Variants in CADM2 observed in about 807,000 individuals in gnomAD.
CADM2 encodes cell adhesion molecule 2.
Under a neutral mutation model 49.8 loss-of-function variants are expected in CADM2, and 12 were observed. The ratio of observed to expected loss-of-function variants is 0.24; its 90% CI spans 0.15 to 0.39. The LOEUF (loss-of-function observed/expected upper bound fraction) is 0.39, where lower values mean the gene tolerates loss of function less well. CADM2 is among the 10% of genes least tolerant of loss of function. CADM2 has a pLI of 1.00. For missense variants in CADM2, 378 were observed against 492.3 expected, an observed-to-expected ratio of 0.77 and a Z score of 2.20; for synonymous variants, 214 against 175.4, an observed-to-expected ratio of 1.22 and a Z score of -1.74.
At chr3:85,439,784 G>A (rs938193083) in intron 1 of CADM2, among the ~76,000 whole-genome samples, 3 of 152,074 alleles carry the variant, frequency 2.0e-5, no homozygotes, top group African/African-American at 7.2e-5. Flanking sequence ...AGGTGTGATG[G>A]TATTTGCATT....
intron 1 of CADM2, among the ~76,000 whole-genome samples, chr3:85,342,510 A>G (rs2029983467): frequency 6.6e-6 from 1 of 152,108 alleles, no homozygotes; most frequent in Non-Finnish European, 1.5e-5. Flanking sequence ...ACAGAATTAG[A>G]AAATGTTATG....
intron 1 of CADM2, among the ~76,000 whole-genome samples, chr3:85,091,441 G>A (rs536927866): frequency 2.6e-5 from 4 of 152,064 alleles, no homozygotes; most frequent in South Asian, 4.2e-4. Context: ...TAATTCATAG[G>A]TAAGATATCG....
In CADM2 at chr3:85,401,843, A is replaced by T. The variant is rs147160040; in HGVS notation, c.62-324679A>T. 4.7e-4 allele frequency among the ~76,000 whole-genome samples: 71 copies of T among 152,252 alleles called. No homozygotes were observed. The East Asian group carries it at 0.011, about 23-fold the overall frequency. On this transcript the variant is annotated intron_variant, in intron 1 of 9. Coordinates refer to ENST00000383699, the MANE Select transcript of CADM2 (RefSeq NM_001167675.2). ...TCAGGAGCACAGGTATGTTTACTCA[A>T]ATTTCACACCTGCCAAACACAGAAC...
chr3:85,343,604 G>C (rs559023479), intron 1 of CADM2, among the ~76,000 whole-genome samples: 3 of 152,282 alleles, frequency 2.0e-5, no homozygotes, highest in African/African-American at 7.2e-5. Flanking sequence ...TTTCTATTCT[G>C]CTTCAGGTTC....
intron 2 of CADM2, 143 bp downstream of exon 2, chr3:85,726,691 C>T: frequency 3.8e-6 from 2 of 532,740 alleles, no homozygotes; most frequent in Admixed American, 6.7e-5. Flanking sequence ...CCTACAAATA[C>T]AAATATCAAT....
intron 1 of CADM2, among the ~76,000 whole-genome samples, chr3:85,304,109 T>C (rs1302369629): frequency 1.3e-5 from 2 of 151,846 alleles, no homozygotes; most frequent in Admixed American, 1.3e-4. Flanking sequence ...TCTTGACTAT[T>C]TCTGGTTTAG....
chr3:86,072,878 A>G lies in CADM2; in HGVS notation c.*6095A>G, dbSNP rs541470547. On this transcript the variant is annotated 3_prime_UTR_variant, in exon 10 of 10. Coordinates refer to ENST00000383699, the MANE Select transcript of CADM2 (RefSeq NM_001167675.2). ...ATAAATAGAAAGAAAAATAATCTAGAAATTTTTCAAAGCTAGTACTCTTTC... is the reference window on the plus strand; with the variant it reads ...ATAAATAGAAAGAAAAATAATCTAGGAATTTTTCAAAGCTAGTACTCTTTC... 18 of 152,208 alleles carry G rather than the reference A, an allele frequency of 1.2e-4. No homozygotes were observed. In the South Asian group the frequency reaches 1.2e-3, roughly 11 times the overall value. The allele number at this position is 152,208 out of a possible 1,614,324, so 9.4% of individuals were successfully genotyped here.
chr3:85,173,568 T>C (rs1250133678), intron 1 of CADM2, among the ~76,000 whole-genome samples: 2 of 152,190 alleles, frequency 1.3e-5, no homozygotes, highest in African/African-American at 4.8e-5. Context: ...GATAAATTTC[T>C]GGACAATCCT....
chr3:85,862,035 G>A (rs190566317), intron 3 of CADM2, among the ~76,000 whole-genome samples: 9 of 151,440 alleles, frequency 5.9e-5, no homozygotes, highest in South Asian at 2.1e-4. Context: ...AATAAATATC[G>A]TGAATAAAAA....
intron 1 of CADM2, among the ~76,000 whole-genome samples, chr3:85,555,250 T>TAATCGCC (rs1482388017): frequency 4.6e-5 from 7 of 152,310 alleles, no homozygotes; most frequent in African/African-American, 1.7e-4. Context: ...TGGTCTTGGG[T>TAATCGCC]AATCGCCAGT....
At position 85,012,955 on chromosome 3, in the gene CADM2, T is replaced by C. The variant is rs140831557; in HGVS notation, c.61+53287T>C. On this transcript the variant is annotated intron_variant, in intron 1 of 9. Transcript: ENST00000383699. Reference sequence around the variant, plus strand: ...GTTTTACTAGTAAGAATACCAAATTTTGGAGATATCAAAAAAGTCAAAATT... The same window carrying C: ...GTTTTACTAGTAAGAATACCAAATTCTGGAGATATCAAAAAAGTCAAAATT... 7.2e-5 allele frequency among the ~76,000 whole-genome samples: 11 copies of C among 151,886 alleles called. No homozygotes were observed. The East Asian group carries it at 1.9e-3, about 27-fold the overall frequency.
intron 1 of CADM2, among the ~76,000 whole-genome samples, chr3:85,432,627 A>G (rs1235810907): frequency 6.6e-6 from 1 of 152,160 alleles, no homozygotes; most frequent in Non-Finnish European, 1.5e-5. Flanking sequence ...TACATAAAAC[A>G]ACACCAACAA....
chr3:85,606,328 G>T (rs1337453958), intron 1 of CADM2, among the ~76,000 whole-genome samples: 4 of 151,946 alleles, frequency 2.6e-5, no homozygotes, highest in African/African-American at 9.7e-5. Flanking sequence ...CCACATGCTA[G>T]AATTCTCTAG....
intron 1 of CADM2, among the ~76,000 whole-genome samples, chr3:85,010,822 T>C (rs1274664978): frequency 6.7e-6 from 1 of 150,366 alleles, no homozygotes; most frequent in Non-Finnish European, 1.5e-5. Context: ...ACATTTTTCT[T>C]TAATTTTCCC....
At chr3:85,406,162 A>T (rs1316148286) in intron 1 of CADM2, among the ~76,000 whole-genome samples, 1 of 152,066 alleles carries the variant, frequency 6.6e-6, no homozygotes, top group Non-Finnish European at 1.5e-5. Context: ...AAACTCTATT[A>T]CTGTATTGAT....
At chr3:85,588,562 C>G (rs2063009721) in intron 1 of CADM2, among the ~76,000 whole-genome samples, 2 of 152,038 alleles carry the variant, frequency 1.3e-5, no homozygotes, top group Non-Finnish European at 2.9e-5. Flanking sequence ...TTGAGAACTG[C>G]CAATACGTTA....
At chr3:85,070,384 A>C (rs1160169228) in intron 1 of CADM2, among the ~76,000 whole-genome samples, 1 of 152,212 alleles carries the variant, frequency 6.6e-6, no homozygotes, top group Non-Finnish European at 1.5e-5. Context: ...ATATCAAATT[A>C]TTCTTATAGA....
At chr3:86,008,979 G>A (rs1228137404) in intron 8 of CADM2, among the ~76,000 whole-genome samples, 1 of 150,738 alleles carries the variant, frequency 6.6e-6, no homozygotes, top group African/African-American at 2.4e-5. Flanking sequence ...AACGATGCAG[G>A]GTATTTGGCA....
intron 1 of CADM2, among the ~76,000 whole-genome samples, chr3:85,099,470 T>A (rs1575860404): frequency 7.9e-5 from 1 of 12,674 alleles, no homozygotes; most frequent in East Asian, 6.2e-4. Flanking sequence ...ATGAATTAAA[T>A]TTTTTTTTTT....
Sources: gnomAD v4.1 joint callset for allele counts (sites outside exome capture counted in the v4.1 genomes callset) on GRCh38, gnomAD v4.1.1 for gene constraint, MANE v1.5 for transcripts, NCBI Gene and HGNC (gene_info 2026-07-23, HGNC 2026-07-21) for gene names.